The following SRGAP1 variants were observed in gnomAD, a reference collection of about 807,000 sequenced individuals.
SRGAP1 encodes the protein SLIT-ROBO Rho GTPase activating protein 1.
SRGAP1 carries 43 observed loss-of-function variants against 121.9 expected under a neutral mutation model. That is an observed-to-expected ratio of 0.35 (90% CI 0.28 to 0.46). The LOEUF is 0.46. Ranked by LOEUF, SRGAP1 falls within the 20% of genes least tolerant of loss-of-function variation. The pLI is 1.00. For missense variants in SRGAP1, 1,102 were observed against 1,350.9 expected, an observed-to-expected ratio of 0.82 and a Z score of 2.89; for synonymous variants, 447 against 485.4, an observed-to-expected ratio of 0.92 and a Z score of 1.04.
chr12:64,016,053 G>A (rs2034392649), intron 3 of SRGAP1, among the ~76,000 whole-genome samples: 2 of 152,166 alleles, frequency 1.3e-5, no homozygotes, highest in South Asian at 4.1e-4. Flanking sequence ...CTGGGTAGAA[G>A]AATGATACTC....
intron 1 of SRGAP1, among the ~76,000 whole-genome samples, chr12:63,967,067 G>A (rs186357962): frequency 7.2e-5 from 11 of 152,292 alleles, no homozygotes; most frequent in African/African-American, 2.6e-4. Flanking sequence ...CTGGAAGTTT[G>A]ATATTTATTT....
At chr12:63,859,975 C>T (rs1899391243) in intron 1 of SRGAP1, among the ~76,000 whole-genome samples, 1 of 152,108 alleles carries the variant, frequency 6.6e-6, no homozygotes, top group African/African-American at 2.4e-5. Context: ...TCTTCTTTGA[C>T]TCATGAGGTG....
At chr12:64,025,102 GCC>G (rs1272390867) in intron 4 of SRGAP1, among the ~76,000 whole-genome samples, 1 of 151,328 alleles carries the variant, frequency 6.6e-6, no homozygotes, top group Non-Finnish European at 1.5e-5. Context: ...ACAGAATCTA[GCC>G]TGGCCTTTAC....
In SRGAP1 at chr12:63,862,091, A is replaced by C. The variant is rs573734899; in HGVS notation, c.67+17208A>C. Reference sequence around the variant, plus strand: ...AGCCGAGATCACGCCACTGCATTCTAGTCTGGGCGATGAGTGAAACTCCAT... The same window carrying C: ...AGCCGAGATCACGCCACTGCATTCTCGTCTGGGCGATGAGTGAAACTCCAT... On this transcript the variant is annotated intron_variant, in intron 1 of 21. Coordinates refer to ENST00000355086, the MANE Select transcript of SRGAP1 (RefSeq NM_020762.4). Among the ~76,000 whole-genome samples, 3 of 152,372 alleles carry C rather than the reference A, an allele frequency of 2.0e-5. No individual in the cohort carries two copies. In the South Asian group the frequency reaches 6.2e-4, roughly 32 times the overall value.
At chr12:63,968,955 C>T (rs1197608086) in intron 1 of SRGAP1, among the ~76,000 whole-genome samples, 7 of 152,250 alleles carry the variant, frequency 4.6e-5, no homozygotes, top group Non-Finnish European at 8.8e-5. Flanking sequence ...GCCAAGAGAA[C>T]ATCAGCTGTG....
intron 1 of SRGAP1, among the ~76,000 whole-genome samples, chr12:63,932,141 C>T (rs530599556): frequency 1.2e-4 from 19 of 152,122 alleles, no homozygotes; most frequent in African/African-American, 3.9e-4. Context: ...ATTAGCTGGG[C>T]GTGGTGGCAC....
chr12:63,918,789 A>G (rs1291836700), intron 1 of SRGAP1, among the ~76,000 whole-genome samples: 3 of 152,262 alleles, frequency 2.0e-5, no homozygotes, highest in Admixed American at 1.3e-4. Flanking sequence ...ATAAATATTT[A>G]TTGTATATGC....
chr12:64,093,244 G>A (rs965848231), intron 12 of SRGAP1, among the ~76,000 whole-genome samples: 2 of 149,262 alleles, frequency 1.3e-5, no homozygotes, highest in Non-Finnish European at 3.0e-5. Context: ...TCTGAAATCT[G>A]TAAAATTAAA....
chr12:64,093,080 T>G (rs1375638092), intron 12 of SRGAP1, among the ~76,000 whole-genome samples: 1 of 152,134 alleles, frequency 6.6e-6, no homozygotes, highest in Non-Finnish European at 1.5e-5. Context: ...TCACTTGCAA[T>G]CTCCACAATG....
intron 15 of SRGAP1, among the ~76,000 whole-genome samples, chr12:64,107,734 T>G (rs372772787): frequency 1.3e-5 from 2 of 152,300 alleles, no homozygotes; most frequent in African/African-American, 4.8e-5. Context: ...TTCATGAATA[T>G]CTCAAGCAAT....
chr12:64,079,721 A>G (rs560864551), intron 9 of SRGAP1, among the ~76,000 whole-genome samples: 26 of 151,916 alleles, frequency 1.7e-4, no homozygotes, highest in Admixed American at 1.6e-3. Flanking sequence ...TTAAACTTTA[A>G]TATCTATACA....
chr12:63,850,822 T>G (rs1485837190), intron 1 of SRGAP1, among the ~76,000 whole-genome samples: 1 of 152,170 alleles, frequency 6.6e-6, no homozygotes, highest in Non-Finnish European at 1.5e-5. Context: ...GTTTGTCTAA[T>G]TAGTCTATTT....
intron 19 of SRGAP1, 101 bp downstream of exon 19, chr12:64,126,258 T>A (rs1178347616): frequency 7.5e-7 from 1 of 1,331,554 alleles, no homozygotes; most frequent in East Asian, 2.4e-5. Context: ...GCAGAAGGGA[T>A]TACAGAGATA....
intron 4 of SRGAP1, among the ~76,000 whole-genome samples, chr12:64,023,148 A>G (rs2034584736): frequency 6.8e-6 from 1 of 146,758 alleles, no homozygotes; most frequent in South Asian, 2.3e-4. Flanking sequence ...GTAATTACAG[A>G]TGGTTTTTTA....
At chr12:64,024,073 TTCTAGACTGTTATA>T (rs2034604241) in intron 4 of SRGAP1, among the ~76,000 whole-genome samples, 1 of 152,202 alleles carries the variant, frequency 6.6e-6, no homozygotes, top group Non-Finnish European at 1.5e-5. Flanking sequence ...AACATGAGCT[TTCTAGACTGTTATA>T]TGGGTTACAG....
chr12:64,124,644 G>T (rs944189965), intron 18 of SRGAP1, among the ~76,000 whole-genome samples: 2 of 152,166 alleles, frequency 1.3e-5, no homozygotes, highest in African/African-American at 4.8e-5. Flanking sequence ...GGAGCTTCTT[G>T]CAGTAAGATA....
intron 4 of SRGAP1, chr12:64,032,690 A>C (rs1369798048): frequency 3.3e-6 from 1 of 301,566 alleles, no homozygotes; most frequent in East Asian, 5.1e-5. Context: ...AAAGCAAAAA[A>C]AAAAAAAAAA....
At chr12:63,919,527 T>TATATATATATATATATAC (rs1238483459) in intron 1 of SRGAP1, among the ~76,000 whole-genome samples, 3 of 146,378 alleles carry the variant, frequency 2.0e-5, no homozygotes, top group African/African-American at 5.3e-5. Flanking sequence ...TATATACACA[T>TATATATATATATATATAC]ACACACACAC....
chr12:64,112,233 A>G (rs2036441654), intron 17 of SRGAP1, among the ~76,000 whole-genome samples: 2 of 152,194 alleles, frequency 1.3e-5, no homozygotes, highest in African/African-American at 4.8e-5. Flanking sequence ...GTAGACAAAA[A>G]GGGTTTTGAT....
Sources: gnomAD v4.1 joint callset for allele counts (sites outside exome capture counted in the v4.1 genomes callset) on GRCh38, gnomAD v4.1.1 for gene constraint, MANE v1.5 for transcripts, NCBI Gene and HGNC (gene_info 2026-07-23, HGNC 2026-07-21) for gene names.